PAPPA2: variants seen among roughly 807,000 people sequenced by gnomAD.
PAPPA2 encodes the protein pappalysin 2, also known as pappalysin-2.
A neutral mutation model predicts 176.4 loss-of-function variants in PAPPA2; 86 were observed. The observed-to-expected ratio is 0.49, with a 90% confidence interval of 0.41 to 0.58. The LOEUF (loss-of-function observed/expected upper bound fraction) is 0.58. Among genes scored for constraint, PAPPA2 ranks in the 20% least tolerant of loss-of-function variants. The probability of loss-of-function intolerance (pLI) is 0.00; values close to 1 mark genes in which losing one functional copy is unlikely to be tolerated. For synonymous variants in PAPPA2, 809 were observed against 852.2 expected, an observed-to-expected ratio of 0.95 and a Z score of 0.88; for missense variants, 2,073 against 2,256.9, an observed-to-expected ratio of 0.92 and a Z score of 1.65.
intron 19 of PAPPA2, among the ~76,000 whole-genome samples, chr1:176,792,553 T>C (rs1042119269): frequency 3.9e-5 from 6 of 152,144 alleles, no homozygotes; most frequent in African/African-American, 1.4e-4. Flanking sequence ...TATACTCACA[T>C]ATCTAGAGGC....
At chr1:176,525,147 TCTTA>T (rs1248404699) in intron 1 of PAPPA2, among the ~76,000 whole-genome samples, 13 of 152,226 alleles carry the variant, frequency 8.5e-5, no homozygotes, top group African/African-American at 3.1e-4. Flanking sequence ...AGGAACTATC[TCTTA>T]CTTATATTTA....
chr1:176,572,471 C>T (rs1175959896), intron 2 of PAPPA2, among the ~76,000 whole-genome samples: 2 of 152,012 alleles, frequency 1.3e-5, no homozygotes, highest in African/African-American at 4.8e-5. Flanking sequence ...ACTCTCAAAC[C>T]AGTGAGGGAA....
intron 3 of PAPPA2, among the ~76,000 whole-genome samples, chr1:176,655,098 A>C (rs891791382): frequency 4.6e-5 from 7 of 151,828 alleles, no homozygotes; most frequent in Non-Finnish European, 1.0e-4. Flanking sequence ...TAGGTCTTCC[A>C]GTACTATGTT....
chr1:176,602,411 T>C (rs1247364371), intron 3 of PAPPA2, among the ~76,000 whole-genome samples: 1 of 152,008 alleles, frequency 6.6e-6, no homozygotes, highest in Non-Finnish European at 1.5e-5. Flanking sequence ...GACAGGAAGG[T>C]AGAGGCACAT....
chr1:176,568,273 C>T (rs186019108), intron 2 of PAPPA2, among the ~76,000 whole-genome samples: 1 of 152,330 alleles, frequency 6.6e-6, no homozygotes, highest in Admixed American at 6.5e-5. Context: ...AATGCACGCT[C>T]AATCACTCTA....
chr1:176,502,950 A>C (rs544401572), intron 1 of PAPPA2, among the ~76,000 whole-genome samples: 1 of 152,276 alleles, frequency 6.6e-6, no homozygotes, highest in South Asian at 2.1e-4. Context: ...AACACTGGGG[A>C]ATAAACATTG....
intron 21 of PAPPA2, among the ~76,000 whole-genome samples, chr1:176,835,932 G>T (rs140912510): frequency 0.011 from 1,682 of 152,254 alleles, 16 homozygotes; most frequent in Middle Eastern, 0.034. Context: ...TTGTGCTAGG[G>T]CTCTAGTCTT....
chr1:176,631,025 CA>C (rs1332753432), intron 3 of PAPPA2, among the ~76,000 whole-genome samples: 1 of 152,114 alleles, frequency 6.6e-6, no homozygotes, highest in Non-Finnish European at 1.5e-5. Flanking sequence ...AGAATCTGAA[CA>C]CCAGACAGTT....
At position 176,739,774 on chromosome 1, in the gene PAPPA2, A is replaced by G. The variant is rs368050309; in HGVS notation, c.3934+13A>G. On this transcript the variant is annotated intron_variant, in intron 13 of 22. Coordinates refer to ENST00000367662, the MANE Select transcript of PAPPA2 (RefSeq NM_020318.3). ...AACCACTCTCTTGGTGAGTCTGACA[A>G]ATATCCCTTTAGGGTCACTAGAGGA... is the stretch of plus-strand genomic sequence containing the variant. 2 of 1,613,136 alleles carry G rather than the reference A, an allele frequency of 1.2e-6. No homozygotes were observed. Among genetic ancestry groups the G allele is most frequent in the South Asian group, 1.1e-5 (1 of 91,006 alleles).
intron 21 of PAPPA2, among the ~76,000 whole-genome samples, chr1:176,808,066 A>C (rs1011078607): frequency 4.6e-5 from 7 of 152,196 alleles, no homozygotes; most frequent in African/African-American, 1.7e-4. Flanking sequence ...AGACCCAGCC[A>C]GTGCAATGCC....
intron 17 of PAPPA2, among the ~76,000 whole-genome samples, chr1:176,786,420 T>C (rs894815961): frequency 1.3e-5 from 2 of 152,210 alleles, no homozygotes; most frequent in Non-Finnish European, 2.9e-5. Context: ...TCTTAGGGGC[T>C]AGACATGTTC....
At chr1:176,698,978 C>A in intron 7 of PAPPA2, 122 bp from the exon 8 acceptor site, 1 of 1,307,054 alleles carries the variant, frequency 7.7e-7, no homozygotes, top group Non-Finnish European at 1.0e-6. Flanking sequence ...GCTAAGATGA[C>A]CAACTTCTAC....
chr1:176,580,031 C>T (rs1178750031), intron 2 of PAPPA2, among the ~76,000 whole-genome samples: 1 of 152,152 alleles, frequency 6.6e-6, no homozygotes, highest in African/African-American at 2.4e-5. Flanking sequence ...ATCTTCTCTT[C>T]TAGCTATTAA....
At chr1:176,805,588 G>A (rs532339547) in intron 21 of PAPPA2, among the ~76,000 whole-genome samples, 24 of 152,172 alleles carry the variant, frequency 1.6e-4, no homozygotes, top group Non-Finnish European at 2.9e-4. Context: ...TGATTTTAAC[G>A]TGTTTTATGA....
At chr1:176,834,448 C>T (rs907697451) in intron 21 of PAPPA2, among the ~76,000 whole-genome samples, 29 of 152,134 alleles carry the variant, frequency 1.9e-4, no homozygotes, top group Non-Finnish European at 1.5e-4. Context: ...TCCTTTTTTC[C>T]GCACATGACA....
intron 8 of PAPPA2, among the ~76,000 whole-genome samples, chr1:176,700,899 C>T (rs1571197001): frequency 1.3e-5 from 2 of 152,228 alleles, no homozygotes. Context: ...CCCATATTTG[C>T]TCTGTCAATT....
chr1:176,662,866 A>G (rs1221969305), intron 3 of PAPPA2, among the ~76,000 whole-genome samples: 2 of 152,208 alleles, frequency 1.3e-5, no homozygotes, highest in South Asian at 2.1e-4. Context: ...AGCCTGGGCT[A>G]TTGCAAATAC....
At chr1:176,792,498 C>G (rs183100910) in intron 19 of PAPPA2, among the ~76,000 whole-genome samples, 54 of 152,286 alleles carry the variant, frequency 3.5e-4, no homozygotes, top group African/African-American at 1.2e-3. Flanking sequence ...ATTTCACAAA[C>G]AGGTTCTCAT....
intron 14 of PAPPA2, among the ~76,000 whole-genome samples, chr1:176,753,942 G>T (rs927438122): frequency 6.6e-6 from 1 of 151,806 alleles, no homozygotes; most frequent in African/African-American, 2.4e-5. Flanking sequence ...TGATTCCCCT[G>T]GCAGATGATG....
Sources: gnomAD v4.1 joint callset for allele counts (sites outside exome capture counted in the v4.1 genomes callset) on GRCh38, gnomAD v4.1.1 for gene constraint, MANE v1.5 for transcripts, NCBI Gene and HGNC (gene_info 2026-07-23, HGNC 2026-07-21) for gene names.